Variants in ABTB3 observed in about 807,000 individuals in gnomAD.
ABTB3 encodes the protein ankyrin repeat- and BTB/POZ domain-containing protein 3.
At chr12:107,391,809 A>C in the ABTB3 span, among the ~76,000 whole-genome samples, 1 of 152,078 alleles carries the variant, frequency 6.6e-6, no homozygotes. Flanking sequence ...GAGGCCTCTG[A>C]GGCTCCTGCA....
the ABTB3 span, among the ~76,000 whole-genome samples, chr12:107,615,844 G>A: frequency 6.6e-6 from 1 of 152,172 alleles, no homozygotes; most frequent in African/African-American, 2.4e-5. Context: ...TACTTCATCA[G>A]AAAAGAGAGA....
At chr12:107,479,435 T>A in the ABTB3 span, among the ~76,000 whole-genome samples, 4 of 151,764 alleles carry the variant, frequency 2.6e-5, no homozygotes, top group Non-Finnish European at 5.9e-5. Context: ...GGTGTCCACA[T>A]CTGTAAAAGA....
the ABTB3 span, among the ~76,000 whole-genome samples, chr12:107,354,971 A>G: frequency 2.6e-5 from 4 of 152,266 alleles, no homozygotes; most frequent in Admixed American, 2.6e-4. Flanking sequence ...TGTACTTGAG[A>G]TTCATCCATA....
chr12:107,476,853 TTG>T, the ABTB3 span, among the ~76,000 whole-genome samples: 1 of 152,118 alleles, frequency 6.6e-6, no homozygotes, highest in African/African-American at 2.4e-5. Context: ...GTATGCTGAC[TTG>T]TGTGTGCATA....
At chr12:107,544,210 G>A in the ABTB3 span, 1 of 1,500,562 alleles carries the variant, frequency 6.7e-7, no homozygotes, top group African/African-American at 1.4e-5. Flanking sequence ...GTCCAGGATG[G>A]GGAGGATGAT....
At chr12:107,595,611 T>A in the ABTB3 span, among the ~76,000 whole-genome samples, 1 of 152,118 alleles carries the variant, frequency 6.6e-6, no homozygotes, top group African/African-American at 2.4e-5. Context: ...TCTAAGAGAA[T>A]GTGGAAGGCC....
chr12:107,359,169 T>C, the ABTB3 span, among the ~76,000 whole-genome samples: 1 of 152,134 alleles, frequency 6.6e-6, no homozygotes, highest in Non-Finnish European at 1.5e-5. Context: ...TGTGCTCAAA[T>C]TGAGGGCTGG....
chr12:107,352,098 C>T, the ABTB3 span, among the ~76,000 whole-genome samples: 1 of 152,178 alleles, frequency 6.6e-6, no homozygotes, highest in African/African-American at 2.4e-5. Flanking sequence ...CCTTTCAGAG[C>T]TTGGAGTCTA....
chr12:107,472,892 C>T, the ABTB3 span, among the ~76,000 whole-genome samples: 2 of 152,242 alleles, frequency 1.3e-5, no homozygotes, highest in Non-Finnish European at 2.9e-5. Context: ...TCAGAGATAT[C>T]TAGAGTGTGA....
At chr12:107,512,651 G>A in the ABTB3 span, among the ~76,000 whole-genome samples, 1 of 152,166 alleles carries the variant, frequency 6.6e-6, no homozygotes, top group Admixed American at 6.5e-5. Context: ...AGTATGCTGA[G>A]TGGCTAAGAG....
chr12:107,355,681 T>A, the ABTB3 span, among the ~76,000 whole-genome samples: 19 of 152,208 alleles, frequency 1.2e-4, no homozygotes, highest in Non-Finnish European at 2.1e-4. Context: ...TCAGAACCCA[T>A]GAAACAGACA....
chr12:107,605,242 T>C, the ABTB3 span, among the ~76,000 whole-genome samples: 6 of 152,228 alleles, frequency 3.9e-5, no homozygotes, highest in Non-Finnish European at 8.8e-5. Flanking sequence ...TGTCAGGCAC[T>C]GATGGGTATA....
the ABTB3 span, among the ~76,000 whole-genome samples, chr12:107,606,733 C>A: frequency 6.6e-6 from 1 of 152,266 alleles, no homozygotes; most frequent in East Asian, 1.9e-4. Context: ...CACAAAGGAG[C>A]CTCTTCCAGA....
chr12:107,462,227 A>G, the ABTB3 span, among the ~76,000 whole-genome samples: 1 of 152,230 alleles, frequency 6.6e-6, no homozygotes, highest in East Asian at 1.9e-4. Context: ...TGGCATTTTA[A>G]TATTAGTTTA....
the ABTB3 span, among the ~76,000 whole-genome samples, chr12:107,429,176 T>A: frequency 6.6e-6 from 1 of 152,178 alleles, no homozygotes; most frequent in Non-Finnish European, 1.5e-5. Context: ...GCATCCATTC[T>A]CTCCTTGTCT....
At chr12:107,530,592 G>A in the ABTB3 span, among the ~76,000 whole-genome samples, 1 of 152,120 alleles carries the variant, frequency 6.6e-6, no homozygotes, top group Non-Finnish European at 1.5e-5. Flanking sequence ...TGATTATACT[G>A]TATGCAATTT....
At chr12:107,544,741 C>G in the ABTB3 span, among the ~76,000 whole-genome samples, 1 of 152,188 alleles carries the variant, frequency 6.6e-6, no homozygotes, top group East Asian at 1.9e-4. Flanking sequence ...AATCAGGTCC[C>G]TCCTCCATAC....
chr12:107,493,291 G>T, the ABTB3 span, among the ~76,000 whole-genome samples: 4 of 152,164 alleles, frequency 2.6e-5, no homozygotes, highest in Admixed American at 2.6e-4. Context: ...TCATGGGCCA[G>T]AGGAGAGCAG....
At chr12:107,644,890 T>A in the ABTB3 span, among the ~76,000 whole-genome samples, 1 of 151,452 alleles carries the variant, frequency 6.6e-6, no homozygotes, top group South Asian at 2.1e-4. Context: ...TCCAGCTCCA[T>A]CCATGTTGCC....
Sources: gnomAD v4.1 joint callset for allele counts (sites outside exome capture counted in the v4.1 genomes callset) on GRCh38, gnomAD v4.1.1 for gene constraint, MANE v1.5 for transcripts, NCBI Gene and HGNC (gene_info 2026-07-23, HGNC 2026-07-21) for gene names.